The following GLI2 variants were observed in gnomAD, a reference collection of about 807,000 sequenced individuals.
GLI2 encodes transcription activator GLI2.
GLI2 carries 22 observed loss-of-function variants against 78.9 expected under a neutral mutation model. The ratio of observed to expected loss-of-function variants is 0.28; its 90% CI spans 0.20 to 0.40. The LOEUF (loss-of-function observed/expected upper bound fraction) is 0.40, where lower values mean the gene tolerates loss of function less well. GLI2 is among the 10% of genes least tolerant of loss of function. The pLI is 1.00. For missense variants in GLI2, 2,097 were observed against 2,213.2 expected, an observed-to-expected ratio of 0.95 and a Z score of 1.05; for synonymous variants, 974 against 963.7, an observed-to-expected ratio of 1.01 and a Z score of -0.20.
chr2:120,826,792 C>G (rs556358432), intron 2 of GLI2, among the ~76,000 whole-genome samples: 14 of 152,306 alleles, frequency 9.2e-5, no homozygotes, highest in South Asian at 6.2e-4. Context: ...CAGTTCAGTC[C>G]CTCTGTACCT....
At chr2:120,969,582 C>CA (rs2105016356) in intron 6 of GLI2, among the ~76,000 whole-genome samples, 1 of 152,364 alleles carries the variant, frequency 6.6e-6, no homozygotes, top group East Asian at 1.9e-4. Flanking sequence ...AAACCACAAG[C>CA]AATTGTTCTC....
At chr2:120,912,413 G>A (rs759779051) in intron 2 of GLI2, among the ~76,000 whole-genome samples, 1 of 151,928 alleles carries the variant, frequency 6.6e-6, no homozygotes, top group Non-Finnish European at 1.5e-5. Flanking sequence ...CATATTCTGT[G>A]TCTCAGTTTC....
intron 2 of GLI2, among the ~76,000 whole-genome samples, chr2:120,804,239 C>T (rs1438095973): frequency 6.6e-6 from 1 of 152,210 alleles, no homozygotes; most frequent in Non-Finnish European, 1.5e-5. Context: ...CTGTCCAATA[C>T]CCCTCCATTG....
intron 1 of GLI2, among the ~76,000 whole-genome samples, chr2:120,792,714 C>T (rs1684205153): frequency 6.6e-6 from 1 of 152,190 alleles, no homozygotes; most frequent in Non-Finnish European, 1.5e-5. Flanking sequence ...CCTCCACCTC[C>T]CAGGTCCAAG....
At chr2:120,757,814 A>C (rs13034141) in intron 1 of GLI2, among the ~76,000 whole-genome samples, 17,844 of 152,232 alleles carry the variant, frequency 0.12, 1,219 homozygotes, top group Middle Eastern at 0.2. Flanking sequence ...TCTGGAAAGG[A>C]AGCTGGGGCA....
intron 2 of GLI2, among the ~76,000 whole-genome samples, chr2:120,901,972 C>CT (rs561460642): frequency 8.6e-5 from 13 of 151,864 alleles, no homozygotes; most frequent in South Asian, 2.1e-4. Flanking sequence ...TTTGTTGTGC[C>CT]TTTTTTTTAA....
chr2:120,794,588 G>A (rs1684298157), intron 1 of GLI2, among the ~76,000 whole-genome samples: 1 of 152,150 alleles, frequency 6.6e-6, no homozygotes, highest in South Asian at 2.1e-4. Flanking sequence ...GCGTGCGAGT[G>A]CTGGGGGGTG....
intron 3 of GLI2, among the ~76,000 whole-genome samples, chr2:120,930,794 G>T (rs1296707406): frequency 3.3e-5 from 5 of 152,244 alleles, no homozygotes; most frequent in African/African-American, 1.2e-4. Context: ...GAGAAGGGAG[G>T]CCCTCAGTGC....
At chr2:120,900,620 G>A (rs277544) in intron 2 of GLI2, among the ~76,000 whole-genome samples, 9,331 of 152,286 alleles carry the variant, frequency 0.061, 442 homozygotes, top group African/African-American at 0.13. Flanking sequence ...AACAAGATGA[G>A]GGGACAACAC....
chr2:120,956,244 T>A (rs938563620), intron 5 of GLI2, among the ~76,000 whole-genome samples: 1 of 150,782 alleles, frequency 6.6e-6, no homozygotes, highest in East Asian at 2.0e-4. Flanking sequence ...AAGAAGGGAG[T>A]TGAAGTTGAC....
At chr2:120,843,760 G>A (rs1416094175) in intron 2 of GLI2, among the ~76,000 whole-genome samples, 2 of 152,094 alleles carry the variant, frequency 1.3e-5, no homozygotes, top group Admixed American at 6.5e-5. Flanking sequence ...TCTGCCTCCC[G>A]GGTTGAAGTG....
At chr2:120,811,465 G>A (rs1037174349) in intron 2 of GLI2, among the ~76,000 whole-genome samples, 5 of 152,210 alleles carry the variant, frequency 3.3e-5, no homozygotes, top group African/African-American at 4.8e-5. Context: ...AGTTCCAGGG[G>A]TGGCATCGCT....
Position 120,984,742 on chromosome 2 carries a change from G to T in GLI2, c.1904G>T (p.Gly635Val). The change falls in exon 12 of 14, where the codon GGG (glycine) becomes GTG (valine). Residue 635 changes from glycine to valine, a missense_variant and splice_region_variant. By Grantham distance (109) the Gly-to-Val change is moderately radical (BLOSUM62 -3). Coordinates refer to ENST00000361492, the MANE Select transcript of GLI2 (RefSeq NM_001374353.1). ...HVRAIKTESS[G>V]LCQSSPGAQS... is the part of the protein sequence containing the mutation. ...AGAGCCATCAAGACCGAGAGCTCCG[G>T]GGTAAGCGGAGCTGGGCAGCCCAGC... is the stretch of plus-strand genomic sequence containing the variant. 3 of 1,612,200 alleles carry T rather than the reference G, an allele frequency of 1.9e-6. No individual in the cohort carries two copies. Among genetic ancestry groups the T allele is most frequent in the Admixed American group, 1.7e-5 (1 of 60,010 alleles).
Position 120,881,892 on chromosome 2 carries a change from A to G in GLI2, c.149-45469A>G, listed in dbSNP as rs1677171155. On this transcript the variant is annotated intron_variant, in intron 2 of 13. Transcript: ENST00000361492. ...GAGGGCAGGTGGAGCTGGCGGCATC[A>G]TGAACTTTTGGAATAGCAAAGGGAG... 2.0e-5 allele frequency among the ~76,000 whole-genome samples: 3 copies of G among 151,784 alleles called. No homozygotes were observed. In the South Asian group the frequency reaches 6.3e-4, roughly 32 times the overall value.
At chr2:120,815,035 G>A (rs1012531037) in intron 2 of GLI2, among the ~76,000 whole-genome samples, 23 of 152,202 alleles carry the variant, frequency 1.5e-4, no homozygotes, top group Non-Finnish European at 2.9e-5. Flanking sequence ...GGGAGAGGTC[G>A]ATGGTTCTCC....
chr2:120,846,198 A>G (rs1305794365), intron 2 of GLI2, among the ~76,000 whole-genome samples: 3 of 152,076 alleles, frequency 2.0e-5, no homozygotes, highest in East Asian at 1.9e-4. Flanking sequence ...AAGCCACCCA[A>G]TTGGGGTCAT....
chr2:120,783,573 G>C (rs886151824), intron 1 of GLI2, among the ~76,000 whole-genome samples: 9 of 151,982 alleles, frequency 5.9e-5, no homozygotes, highest in African/African-American at 1.7e-4. Context: ...AGCAGCACAC[G>C]GCAAAGGCAC....
chr2:120,982,110 C>A (rs539529773), intron 10 of GLI2, among the ~76,000 whole-genome samples: 2 of 152,214 alleles, frequency 1.3e-5, no homozygotes, highest in Admixed American at 1.3e-4. Context: ...GGCCAGGAAC[C>A]GGATTGGGTG....
At chr2:120,765,757 G>T (rs11898067) in intron 1 of GLI2, among the ~76,000 whole-genome samples, 5 of 152,246 alleles carry the variant, frequency 3.3e-5, no homozygotes, top group Admixed American at 1.3e-4. Flanking sequence ...CTCTTTCTCC[G>T]TTGCAGTCAG....
Sources: allele counts gnomAD v4.1 joint callset (sites outside exome capture counted in the v4.1 genomes callset), GRCh38; gene constraint gnomAD v4.1.1; transcripts MANE v1.5; gene names NCBI Gene and HGNC (gene_info 2026-07-23, HGNC 2026-07-21).